Variants in LTBP1 observed in about 807,000 individuals in gnomAD.
LTBP1 encodes latent transforming growth factor beta binding protein 1.
In LTBP1, 129 loss-of-function variants were observed where a neutral mutation model predicts 207.6. That is an observed-to-expected ratio of 0.62 (90% CI 0.54 to 0.72). The LOEUF (loss-of-function observed/expected upper bound fraction) is 0.72, where lower values mean the gene tolerates loss of function less well. Among genes scored for constraint, LTBP1 ranks in the 30% least tolerant of loss-of-function variants. The pLI is 0.00. For missense variants in LTBP1, 2,281 were observed against 2,217.2 expected (o/e 1.03, Z -0.58); for synonymous variants, 963 against 833.7 (o/e 1.16, Z -2.67).
intron 7 of LTBP1, among the ~76,000 whole-genome samples, chr2:33,203,755 T>C (rs189565159): frequency 4.6e-5 from 7 of 152,286 alleles, no homozygotes; most frequent in African/African-American, 1.7e-4. Context: ...TGTTCCTACA[T>C]AGGAATAAGC....
At chr2:33,259,151 G>A (rs1316311349) in intron 12 of LTBP1, among the ~76,000 whole-genome samples, 2 of 152,160 alleles carry the variant, frequency 1.3e-5, no homozygotes, top group Non-Finnish European at 2.9e-5. Context: ...ACTGAAATAA[G>A]TGACATTCTT....
intron 2 of LTBP1, among the ~76,000 whole-genome samples, chr2:32,969,272 T>TGTGTGTG (rs1680494113): frequency 4.7e-5 from 7 of 149,042 alleles, no homozygotes; most frequent in African/African-American, 7.4e-5. Context: ...TGTGTGTGTG[T>TGTGTGTG]TTTAATTTAA....
At chr2:33,276,538 G>T (rs2093429720) in intron 18 of LTBP1, among the ~76,000 whole-genome samples, 1 of 152,168 alleles carries the variant, frequency 6.6e-6, no homozygotes, top group Non-Finnish European at 1.5e-5. Context: ...TGTCCAAGTT[G>T]CTCTGGTTCT....
At chr2:33,149,662 G>A (rs1228100267) in intron 5 of LTBP1, among the ~76,000 whole-genome samples, 1 of 152,170 alleles carries the variant, frequency 6.6e-6, no homozygotes, top group Non-Finnish European at 1.5e-5. Context: ...GGATGTGATG[G>A]GCCTTCATTC....
At chr2:33,169,928 A>G (rs944752406) in intron 5 of LTBP1, among the ~76,000 whole-genome samples, 3 of 152,202 alleles carry the variant, frequency 2.0e-5, no homozygotes, top group Non-Finnish European at 4.4e-5. Flanking sequence ...TTGTGGTAAT[A>G]TAATCAGATA....
At chr2:33,328,392 G>C (rs941671438) in intron 24 of LTBP1, among the ~76,000 whole-genome samples, 1 of 152,072 alleles carries the variant, frequency 6.6e-6, no homozygotes, top group African/African-American at 2.4e-5. Context: ...TTCTCTGCTA[G>C]AACACTGCTA....
chr2:33,071,898 G>A (rs185214150), intron 3 of LTBP1, among the ~76,000 whole-genome samples: 1 of 152,288 alleles, frequency 6.6e-6, no homozygotes, highest in East Asian at 1.9e-4. Context: ...CCGGATGTGT[G>A]GGGATTTCTG....
intron 23 of LTBP1, among the ~76,000 whole-genome samples, chr2:33,314,685 A>C (rs973884584): frequency 6.6e-6 from 1 of 152,254 alleles, no homozygotes; most frequent in Admixed American, 6.5e-5. Flanking sequence ...AAATACTATA[A>C]ATAAGACATG....
At position 33,293,318 on chromosome 2, in the gene LTBP1, A is replaced by T. The variant is rs748975743; in HGVS notation, c.3235+36A>T. 12 of 1,575,346 alleles carry T rather than the reference A, an allele frequency of 7.6e-6. No homozygotes were observed. The South Asian group carries it at 1.4e-4, about 19-fold the overall frequency. ...TGATCAAGTTTCCCATTTTTATTTA[A>T]ACTTCATTTAAATATAGATTAGAGC... On this transcript the variant is annotated intron_variant, in intron 20 of 33. Transcript: ENST00000404816.
chr2:33,037,998 G>A (rs2076007200), intron 3 of LTBP1, among the ~76,000 whole-genome samples: 1 of 152,218 alleles, frequency 6.6e-6, no homozygotes, highest in Admixed American at 6.5e-5. Flanking sequence ...GGCTTACAGG[G>A]CATGAGCCAC....
intron 31 of LTBP1, among the ~76,000 whole-genome samples, chr2:33,375,494 G>A (rs1023383444): frequency 1.4e-4 from 21 of 152,100 alleles, no homozygotes; most frequent in African/African-American, 4.6e-4. Context: ...GAGGCTTTAT[G>A]CACACAAAGG....
chr2:33,356,685 C>T (rs529760105), intron 26 of LTBP1, among the ~76,000 whole-genome samples: 117 of 152,214 alleles, frequency 7.7e-4, no homozygotes, highest in African/African-American at 2.7e-3. Context: ...TCTCATTTTC[C>T]GAGTTCTTGT....
At chr2:33,310,697 T>C (rs1255967617) in intron 23 of LTBP1, among the ~76,000 whole-genome samples, 1 of 152,160 alleles carries the variant, frequency 6.6e-6, no homozygotes, top group Non-Finnish European at 1.5e-5. Flanking sequence ...AATTAAGTGA[T>C]TTCTCTCACA....
At chr2:33,257,258 G>C in intron 11 of LTBP1, 26 bp from the exon 12 acceptor site, 1 of 1,570,512 alleles carries the variant, frequency 6.4e-7, no homozygotes, top group Non-Finnish European at 8.8e-7. Flanking sequence ...ATTTTTAAAA[G>C]GAATATTTTC....
chr2:33,020,350 C>T (rs1041032374), intron 2 of LTBP1, among the ~76,000 whole-genome samples: 2 of 151,824 alleles, frequency 1.3e-5, no homozygotes, highest in African/African-American at 4.8e-5. Context: ...TTGTTTTTTG[C>T]CAAGTCTTGG....
At chr2:33,163,080 C>T (rs942584986) in intron 5 of LTBP1, among the ~76,000 whole-genome samples, 15 of 152,226 alleles carry the variant, frequency 9.9e-5, no homozygotes, top group Admixed American at 4.6e-4. Flanking sequence ...CCCCTGGGCT[C>T]GAGCAATCCT....
intron 23 of LTBP1, among the ~76,000 whole-genome samples, chr2:33,310,737 T>G (rs1326792978): frequency 6.6e-6 from 1 of 152,188 alleles, no homozygotes; most frequent in Non-Finnish European, 1.5e-5. Context: ...TTCAACACCA[T>G]AGCTAAAAAA....
chr2:33,353,508 G>A (rs991398641), intron 26 of LTBP1, among the ~76,000 whole-genome samples: 2 of 152,118 alleles, frequency 1.3e-5, no homozygotes, highest in African/African-American at 4.8e-5. Flanking sequence ...GTAGACACTC[G>A]GTAACTGTTG....
At chr2:33,391,240 G>A (rs1433565722) in intron 32 of LTBP1, among the ~76,000 whole-genome samples, 1 of 150,052 alleles carries the variant, frequency 6.7e-6, no homozygotes, top group Non-Finnish European at 1.5e-5. Flanking sequence ...GGCCCCTGGT[G>A]CCTTTTCCCA....
Sources: allele counts gnomAD v4.1 joint callset (sites outside exome capture counted in the v4.1 genomes callset), GRCh38; gene constraint gnomAD v4.1.1; transcripts MANE v1.5; gene names NCBI Gene and HGNC (gene_info 2026-07-23, HGNC 2026-07-21).